The following CHM variants were observed in gnomAD, a reference collection of about 807,000 sequenced individuals.
CHM encodes CHM Rab escort protein, also known as rab proteins geranylgeranyltransferase component A 1.
Under a neutral mutation model 49.0 loss-of-function variants are expected in CHM, and 10 were observed. The ratio of observed to expected loss-of-function variants is 0.20; its 90% confidence interval spans 0.13 to 0.35. The LOEUF (loss-of-function observed/expected upper bound fraction) is 0.35, where lower values mean the gene tolerates loss of function less well. CHM is among the 10% of genes least tolerant of loss of function. CHM has a pLI of 1.00. For synonymous variants in CHM, 184 were observed against 167.5 expected (o/e 1.10, Z -0.76); for missense variants, 455 against 478.4 (o/e 0.95, Z 0.46).
At chrX:85,978,370 G>A (rs940666436) in intron 4 of CHM, among the ~76,000 whole-genome samples, 5 of 111,432 alleles carry the variant, frequency 4.5e-5, no homozygotes, top group Admixed American at 2.9e-4. Context: ...ATTTAATCTT[G>A]AGCTCTACCA....
chrX:86,025,745 TAC>T (rs1603282830), intron 2 of CHM, among the ~76,000 whole-genome samples: 1 of 107,346 alleles, frequency 9.3e-6, no homozygotes, highest in East Asian at 2.9e-4. Flanking sequence ...AACACATACC[TAC>T]ACACAAAGTA....
At chrX:85,918,319 G>T (rs766018196) in intron 8 of CHM, among the ~76,000 whole-genome samples, 1 of 111,624 alleles carries the variant, frequency 9.0e-6, no homozygotes, top group Non-Finnish European at 1.9e-5. Context: ...AGTGTCATAA[G>T]CAAAGGAGAA....
chrX:85,922,465 C>T (rs1029927694), intron 8 of CHM, among the ~76,000 whole-genome samples: 11 of 112,283 alleles, frequency 9.8e-5, no homozygotes, highest in Non-Finnish European at 7.5e-5. Flanking sequence ...CGGCATATGC[C>T]ATAGCATCAT....
chrX:85,983,552 T>C (rs760673861), intron 2 of CHM, among the ~76,000 whole-genome samples: 3 of 111,406 alleles, frequency 2.7e-5, no homozygotes, highest in African/African-American at 9.8e-5. Flanking sequence ...AACTAGAAAA[T>C]ATCCTAGGTT....
At chrX:85,965,566 T>G (rs1046077912) in intron 4 of CHM, among the ~76,000 whole-genome samples, 1 of 111,401 alleles carries the variant, frequency 9.0e-6, no homozygotes, top group Non-Finnish European at 1.9e-5. Flanking sequence ...CAGACTATTT[T>G]TGTTTCAAAT....
At position 85,864,643 on chromosome X, in the gene CHM, T is replaced by TC. The variant is rs1226146762; in HGVS notation, c.1948dup (p.Glu650GlyfsTer4). The TC allele has an allele frequency of 7.4e-6, 9 of 1,209,250 alleles. No individual in the cohort carries two copies. The highest frequency in any genetic ancestry group is 5.6e-6 in the Non-Finnish European group (5 of 893,871). The stretch of plus-strand genomic sequence containing the variant: ...GGTGTATATCCATTATTCAGAGGAC[T>TC]CCTCTAGGTTTCCAAGGTTTGTGCT... On this transcript the variant is annotated frameshift_variant, in exon 15 of 15. Transcript: ENST00000357749. LOFTEE classifies it high-confidence loss of function.
intron 12 of CHM, among the ~76,000 whole-genome samples, chrX:85,888,669 G>T (rs1189891988): frequency 1.8e-5 from 2 of 111,329 alleles, no homozygotes; most frequent in Non-Finnish European, 3.8e-5. Flanking sequence ...AAGAGCCATA[G>T]AAACTGACAA....
intron 14 of CHM, among the ~76,000 whole-genome samples, chrX:85,869,231 A>T (rs146941022): frequency 0.015 from 1,633 of 111,934 alleles, 36 homozygotes; most frequent in African/African-American, 0.051. Context: ...CTCCAGGATG[A>T]CAAATACTTT....
chrX:86,043,001 C>A (rs5922211), intron 1 of CHM, among the ~76,000 whole-genome samples: 1 of 109,909 alleles, frequency 9.1e-6, no homozygotes, highest in Non-Finnish European at 1.9e-5. Flanking sequence ...TATCTAAACC[C>A]TATCAGCCAT....
At chrX:86,011,845 G>A (rs1933085030) in intron 2 of CHM, among the ~76,000 whole-genome samples, 1 of 111,248 alleles carries the variant, frequency 9.0e-6, no homozygotes, top group African/African-American at 3.3e-5. Flanking sequence ...TGAAGTTGGA[G>A]GAAGGGCCAT....
At chrX:86,017,508 C>G (rs986033274) in intron 2 of CHM, among the ~76,000 whole-genome samples, 1 of 111,243 alleles carries the variant, frequency 9.0e-6, no homozygotes, top group African/African-American at 3.3e-5. Flanking sequence ...TTTTAGCAGG[C>G]GTTTCCACTT....
chrX:85,972,561 G>C (rs1260292707), intron 4 of CHM, among the ~76,000 whole-genome samples: 3 of 113,125 alleles, frequency 2.7e-5, no homozygotes, highest in African/African-American at 9.6e-5. Context: ...GGCTGGCACT[G>C]CTGGGGGACC....
intron 14 of CHM, among the ~76,000 whole-genome samples, chrX:85,866,449 G>A (rs770745771): frequency 1.8e-5 from 2 of 112,962 alleles, no homozygotes; most frequent in South Asian, 3.6e-4. Flanking sequence ...TGCTGCAGGG[G>A]TAGAGCCCTC....
At chrX:86,021,161 C>CGT (rs1933582180) in intron 2 of CHM, among the ~76,000 whole-genome samples, 2 of 30,611 alleles carry the variant, frequency 6.5e-5, no homozygotes, top group Non-Finnish European at 1.0e-4. Context: ...TATATATACA[C>CGT]GTATATATAT....
chrX:86,046,731 G>A (rs937241580), intron 1 of CHM, among the ~76,000 whole-genome samples: 2 of 111,820 alleles, frequency 1.8e-5, no homozygotes, highest in Non-Finnish European at 3.8e-5. Context: ...ACTAGAAACT[G>A]CAGAGGAGTT....
At chrX:86,002,965 T>G (rs1193246893) in intron 2 of CHM, among the ~76,000 whole-genome samples, 2 of 112,203 alleles carry the variant, frequency 1.8e-5, no homozygotes, top group African/African-American at 6.5e-5. Context: ...GTAGCCTAAC[T>G]GGGAGACATC....
At chrX:85,931,937 A>G (rs1053759560) in intron 8 of CHM, among the ~76,000 whole-genome samples, 5 of 112,405 alleles carry the variant, frequency 4.4e-5, no homozygotes, top group Admixed American at 3.8e-4. Flanking sequence ...TGCTGCTTTC[A>G]GTGTCCTCAT....
rs145954753 is a variant in CHM at position 85,894,784 on chromosome X, T to C, written c.1414-500A>G. On this transcript the variant is annotated intron_variant, in intron 11 of 14. Transcript: ENST00000357749. ...CTGTATTTTTCAAAGGATACAATTA[T>C]GACTTCTTAGTTCTGAAATATGTGT... Among the ~76,000 whole-genome samples, 978 of 111,972 alleles carry C rather than the reference T, an allele frequency of 8.7e-3. 9 individuals are homozygous for C. Among genetic ancestry groups the C allele is most frequent in the African/African-American group, 0.029 (900 of 30,825 alleles).
chrX:86,045,034 A>G (rs1403521403), intron 1 of CHM, among the ~76,000 whole-genome samples: 1 of 112,331 alleles, frequency 8.9e-6, no homozygotes, highest in African/African-American at 3.2e-5. Context: ...ATCAAGGTGA[A>G]AGGGATTATA....
Sources: gnomAD v4.1 joint callset for allele counts (sites outside exome capture counted in the v4.1 genomes callset) on GRCh38, gnomAD v4.1.1 for gene constraint, MANE v1.5 for transcripts, NCBI Gene and HGNC (gene_info 2026-07-23, HGNC 2026-07-21) for gene names.